The following OSBPL3 variants were observed in gnomAD, a reference collection of about 807,000 sequenced individuals.
OSBPL3 encodes the protein oxysterol binding protein like 3.
Under a neutral mutation model 120.1 loss-of-function variants are expected in OSBPL3, and 65 were observed. The ratio of observed to expected loss-of-function variants is 0.54; its 90% CI spans 0.44 to 0.67. OSBPL3 has a LOEUF of 0.67. Among genes scored for constraint, OSBPL3 ranks in the 30% least tolerant of loss-of-function variants. The pLI, the probability that OSBPL3 is intolerant of heterozygous loss-of-function variation, is 0.00. For missense variants in OSBPL3, 1,004 were observed against 1,082.1 expected (o/e 0.93, Z 1.01); for synonymous variants, 416 against 402.6 (o/e 1.03, Z -0.40).
In OSBPL3 at chr7:24,830,492, C is replaced by T. The variant is rs1437250228; in HGVS notation, c.1884+276G>A. 6.6e-6 allele frequency among the ~76,000 whole-genome samples: 1 copy of T among 152,164 alleles called. No individual in the cohort carries two copies. Among genetic ancestry groups the T allele is most frequent in the Non-Finnish European group, 1.5e-5 (1 of 68,038 alleles). On this transcript the variant is annotated intron_variant, in intron 16 of 22. Coordinates refer to ENST00000313367, the MANE Select transcript of OSBPL3 (RefSeq NM_015550.4). The surrounding 1 kb of genome is among the most constrained non-coding windows in gnomAD (Gnocchi z 4.4). ...AAGTTTGGGCCAACATTCATCCTTT[C>T]AAAATTCCTTGTGCTAATGATTTTA...
rs1802076278 is a variant in OSBPL3 at position 24,871,316 on chromosome 7, A to G, written c.267+426T>C. On this transcript the variant is annotated intron_variant, in intron 4 of 22. Transcript: ENST00000313367. The surrounding 1 kb of genome is among the most constrained non-coding windows in gnomAD (Gnocchi z 4.8). ...TAGGACTCCTACAAGGGACAGGACAAATGGTCATTCACACACAGAGCCTTC... is the reference window on the plus strand; with the variant it reads ...TAGGACTCCTACAAGGGACAGGACAGATGGTCATTCACACACAGAGCCTTC... Among the ~76,000 whole-genome samples the G allele has an allele frequency of 6.6e-6, 1 of 152,196 alleles. No homozygotes were observed. Among genetic ancestry groups the G allele is most frequent in the Non-Finnish European group, 1.5e-5 (1 of 68,032 alleles).
chr7:24,893,760 G>C (rs1010203103), intron 1 of OSBPL3, among the ~76,000 whole-genome samples: 17 of 151,902 alleles, frequency 1.1e-4, no homozygotes, highest in South Asian at 8.4e-4. Context: ...GGGGGGACGG[G>C]GGGGTGGAGG....
At chr7:24,976,413 G>A (rs1817594924) in intron 1 of OSBPL3, among the ~76,000 whole-genome samples, 1 of 152,306 alleles carries the variant, frequency 6.6e-6, no homozygotes, top group African/African-American at 2.4e-5. Flanking sequence ...TGTTAGGACA[G>A]AGTGCATAAG....
chr7:24,974,737 C>A (rs1817392684), intron 1 of OSBPL3, among the ~76,000 whole-genome samples: 1 of 152,092 alleles, frequency 6.6e-6, no homozygotes, highest in African/African-American at 2.4e-5. Context: ...GTGAAAGAAG[C>A]CAGACACGAA....
intron 1 of OSBPL3, among the ~76,000 whole-genome samples, chr7:24,971,568 G>A (rs1563024779): frequency 6.6e-6 from 1 of 152,178 alleles, no homozygotes; most frequent in Non-Finnish European, 1.5e-5. Context: ...ACAGCTGAGG[G>A]GAATGGGGCC....
chr7:24,880,725 G>C (rs1411416421), intron 2 of OSBPL3, among the ~76,000 whole-genome samples: 1 of 152,136 alleles, frequency 6.6e-6, no homozygotes, highest in Non-Finnish European at 1.5e-5. Context: ...AAATGAGTGA[G>C]GGGCTTTTAA....
rs991227910 is a variant in OSBPL3, at chr7:24,952,782, G to T, written c.-150+27104C>A. On this transcript the variant is annotated intron_variant, in intron 1 of 22. Coordinates refer to ENST00000313367, the MANE Select transcript of OSBPL3 (RefSeq NM_015550.4). The surrounding 1 kb of genome is among the most constrained non-coding windows in gnomAD (Gnocchi z 4.4). Reference sequence around the variant, plus strand: ...ATCTATAAACAAGAGTACCATCAAGGTTCCCAGATTTAAAATATTTCCCTA... The same window carrying T: ...ATCTATAAACAAGAGTACCATCAAGTTTCCCAGATTTAAAATATTTCCCTA... Among the ~76,000 whole-genome samples, 1 of 152,070 alleles carries T rather than the reference G, an allele frequency of 6.6e-6. No homozygotes were observed. The highest frequency in any genetic ancestry group is 1.5e-5 in the Non-Finnish European group (1 of 68,030).
chr7:24,939,311 A>G lies in OSBPL3; in HGVS notation c.-150+40575T>C, dbSNP rs2128479437. Among the ~76,000 whole-genome samples the G allele has an allele frequency of 6.6e-6, 1 of 152,332 alleles. No homozygotes were observed. The highest frequency in any genetic ancestry group is 2.1e-4 in the South Asian group (1 of 4,820). On this transcript the variant is annotated intron_variant, in intron 1 of 22. Transcript: ENST00000313367. This position sits in a 1 kb window ranked among gnomAD's most constrained non-coding sequence, Gnocchi z 4.2. ...CTCCTGTGCTTCTTTGTGGCTGACA[A>G]GAATTCCAATTTTGTTCAGCTATTA... is the stretch of plus-strand genomic sequence containing the variant.
Position 24,852,423 on chromosome 7 carries a change from T to C in OSBPL3, c.1158+81A>G, listed in dbSNP as rs2128228494. On this transcript the variant is annotated intron_variant, in intron 11 of 22. Transcript: ENST00000313367. This position sits in a 1 kb window ranked among gnomAD's most constrained non-coding sequence, Gnocchi z 4.1. ...TTGGTTTTCTCCTGAATTTTCAACA[T>C]AATCATGGAAATAGAAATTACAAAC... 1 of 1,245,106 alleles carries C rather than the reference T, an allele frequency of 8.0e-7. No homozygotes were observed. The highest frequency in any genetic ancestry group is 1.1e-6 in the Non-Finnish European group (1 of 940,994). 77.1% of individuals were successfully genotyped at this position (1,245,106 alleles called of 1,614,324 possible). A position where few individuals can be genotyped will look rare whatever the true frequency, so the allele number is the denominator to read the frequency against.
At chr7:24,837,650 G>A (rs1226495397) in intron 14 of OSBPL3, among the ~76,000 whole-genome samples, 1 of 152,144 alleles carries the variant, frequency 6.6e-6, no homozygotes, top group Non-Finnish European at 1.5e-5. Flanking sequence ...ATTTTATTCT[G>A]TGACAGGCAG....
At chr7:24,832,463 T>C (rs1336776982) in intron 15 of OSBPL3, among the ~76,000 whole-genome samples, 2 of 147,594 alleles carry the variant, frequency 1.4e-5, no homozygotes, top group Admixed American at 7.0e-5. Context: ...TGAGCCGAGA[T>C]TGTGCCACTG....
chr7:24,882,877 A>G (rs1385204979), intron 2 of OSBPL3, among the ~76,000 whole-genome samples: 1 of 152,206 alleles, frequency 6.6e-6, no homozygotes, highest in Non-Finnish European at 1.5e-5. Flanking sequence ...TTCTTTTGAA[A>G]AATGTTTATT....
At chr7:24,909,775 T>TTTTCTTTC (rs1562915999) in intron 1 of OSBPL3, among the ~76,000 whole-genome samples, 35 of 136,178 alleles carry the variant, frequency 2.6e-4, no homozygotes, top group Non-Finnish European at 3.9e-4. Context: ...ACTGTTTTTT[T>TTTTCTTTC]TTTCTTTCTT....
chr7:24,974,614 T>C (rs1056047431), intron 1 of OSBPL3, among the ~76,000 whole-genome samples: 2 of 151,984 alleles, frequency 1.3e-5, no homozygotes, highest in Admixed American at 6.6e-5. Flanking sequence ...AGCTAGCAAA[T>C]AGATAAATAA....
intron 1 of OSBPL3, among the ~76,000 whole-genome samples, chr7:24,975,777 G>A (rs771879532): frequency 1.3e-5 from 2 of 152,184 alleles, no homozygotes; most frequent in Non-Finnish European, 2.9e-5. Context: ...ACTGAACTGG[G>A]AAGTTTCTCA....
Position 24,815,222 on chromosome 7 carries a change from T to G in OSBPL3, c.2028-19A>C. The G allele has an allele frequency of 6.2e-7, 1 of 1,607,084 alleles. No homozygotes were observed. The highest frequency in any genetic ancestry group is 8.5e-7 in the Non-Finnish European group (1 of 1,176,454). On this transcript the variant is annotated intron_variant, in intron 18 of 22. Transcript: ENST00000313367. The surrounding 1 kb of genome is among the most constrained non-coding windows in gnomAD (Gnocchi z 5.1). ...CCCAAAACTAAAAAGAAGGAAAAAG[T>G]AGAAGTACCAATTTCTAGAAGAGCC...
At position 24,892,473 on chromosome 7, in the gene OSBPL3, G is replaced by A; in HGVS notation, c.-1C>T. 11 of 1,611,962 alleles carry A rather than the reference G, an allele frequency of 6.8e-6. No homozygotes were observed. Among genetic ancestry groups the A allele is most frequent in the East Asian group, 2.2e-5 (1 of 44,846 alleles). On this transcript the variant is annotated 5_prime_UTR_variant, in exon 2 of 23. Coordinates refer to ENST00000313367, the MANE Select transcript of OSBPL3 (RefSeq NM_015550.4). ...CAAGGTTCTTCTCATCACTCATCAT[G>A]GACAGCAAGTCACTTGGCCTCGAGA...
At chr7:24,886,453 C>T (rs1804543789) in intron 2 of OSBPL3, among the ~76,000 whole-genome samples, 1 of 152,214 alleles carries the variant, frequency 6.6e-6, no homozygotes, top group Non-Finnish European at 1.5e-5. Context: ...TATTACAGAT[C>T]CTCACAACTG....
At chr7:24,910,085 T>A (rs1406940187) in intron 1 of OSBPL3, among the ~76,000 whole-genome samples, 1 of 152,056 alleles carries the variant, frequency 6.6e-6, no homozygotes, top group East Asian at 1.9e-4. Context: ...AGATTACAGG[T>A]GTGAGCCACC....
Sources: gnomAD v4.1 joint callset for allele counts (sites outside exome capture counted in the v4.1 genomes callset) on GRCh38, gnomAD v4.1.1 for gene constraint, Gnocchi (gnomAD v3.1) non-coding constraint, MANE v1.5 for transcripts, NCBI Gene and HGNC (gene_info 2026-07-23, HGNC 2026-07-21) for gene names.